The following KIR3DL2 variants were observed in gnomAD, a reference collection of about 807,000 sequenced individuals.
KIR3DL2 encodes the protein killer cell immunoglobulin-like receptor 3DL2.
Under a neutral mutation model 41.6 loss-of-function variants are expected in KIR3DL2, and 42 were observed. The ratio of observed to expected loss-of-function variants is 1.01; its 90% confidence interval spans 0.79 to 1.31. The LOEUF (loss-of-function observed/expected upper bound fraction) is 1.31, where lower values mean the gene tolerates loss of function less well. KIR3DL2 is among the 50% of genes most tolerant of loss of function. The pLI is 0.00. For missense variants in KIR3DL2, 728 were observed against 576.8 expected, an observed-to-expected ratio of 1.26 and a Z score of -2.68; for synonymous variants, 230 against 221.3, an observed-to-expected ratio of 1.04 and a Z score of -0.35.
chr19:54,859,943 C>G (rs985175204), intron 6 of KIR3DL2, among the ~76,000 whole-genome samples: 1 of 151,900 alleles, frequency 6.6e-6, no homozygotes, highest in South Asian at 2.1e-4. Context: ...ATCACTCAGA[C>G]CCTTCTTCCT....
At chr19:54,859,788 C>T (rs2065044250) in intron 6 of KIR3DL2, among the ~76,000 whole-genome samples, 1 of 152,018 alleles carries the variant, frequency 6.6e-6, no homozygotes, top group Non-Finnish European at 1.5e-5. Flanking sequence ...ATCAAGGTGA[C>T]AGCAAGGCTG....
chr19:54,857,542 AC>A (rs35521613), intron 5 of KIR3DL2, among the ~76,000 whole-genome samples: 44,342 of 144,990 alleles, frequency 0.31, 4,312 homozygotes, highest in South Asian at 0.34. Context: ...ATTTTACTTT[AC>A]TTTATTTATT....
In KIR3DL2 at chr19:54,853,844, G is replaced by A. The variant is rs2064503034; in HGVS notation, c.453G>A (p.Glu151=). Residue 151 remains glutamate (E), a synonymous_variant, in exon 4 of 9, where the codon GAG becomes GAA. Coordinates refer to ENST00000326321, the MANE Select transcript of KIR3DL2 (RefSeq NM_006737.4). Reference sequence around the variant, plus strand: ...AATGTTGGTCAGATGTCATGTTTGAGCACTTCTTTCTGCACAGAGAGGGGA... The same window carrying A: ...AATGTTGGTCAGATGTCATGTTTGAACACTTCTTTCTGCACAGAGAGGGGA... The part of the protein sequence containing the change: ...ILQCWSDVMF[E]HFFLHREGIS... 1 of 1,613,198 alleles carries A rather than the reference G, an allele frequency of 6.2e-7. No homozygotes were observed. The highest frequency in any genetic ancestry group is 1.3e-5 in the African/African-American group (1 of 74,524).
rs1262744104 is a variant in KIR3DL2 at position 54,855,802 on chromosome 19, T to C, written c.839T>C (p.Phe280Ser). 1.2e-6 allele frequency: 2 copies of C among 1,613,288 alleles called. No homozygotes were observed. The highest frequency in any genetic ancestry group is 3.3e-5 in the Admixed American group (2 of 59,982). The change falls in exon 5 of 9, where the codon TTT becomes TCT. Residue 280 changes from phenylalanine (F) to serine (S), a missense_variant. Transcript: ENST00000326321. ...PKVNRTFQAD[F>S]PLGPATHGGT... ...GTCAACAGAACATTCCAGGCAGACT[T>C]TCCTCTGGGCCCTGCCACCCACGGA...
Position 54,855,776 on chromosome 19 carries a change from G to A in KIR3DL2, c.813G>A (p.Lys271=). 6.2e-7 allele frequency: 1 copy of A among 1,613,376 alleles called. No individual in the cohort carries two copies. The highest frequency in any genetic ancestry group is 1.7e-5 in the Admixed American group (1 of 59,986). ...AACGTAGGCTCCGTGCAGTGCCCAAGGTCAACAGAACATTCCAGGCAGACT... is the reference window on the plus strand; with the variant it reads ...AACGTAGGCTCCGTGCAGTGCCCAAAGTCAACAGAACATTCCAGGCAGACT... ...AHERRLRAVP[K]VNRTFQADFP... The change falls in exon 5 of 9, where the codon AAG becomes AAA. Residue 271 remains lysine, a synonymous_variant. Transcript: ENST00000326321.
intron 6 of KIR3DL2, among the ~76,000 whole-genome samples, chr19:54,865,389 C>T (rs765875840): frequency 6.6e-6 from 1 of 151,762 alleles, no homozygotes; most frequent in Non-Finnish European, 1.5e-5. Context: ...AGGGGGAGGG[C>T]GAGCGATGGA....
At position 54,850,525 on chromosome 19, in the gene KIR3DL2, G is replaced by T. The variant is rs758967953; in HGVS notation, c.34+16G>T. ...GCGTGCGTTGGTGAGTCCTGGAAGG[G>T]AATAGAGGGAGGGAGAGTGGGGATG... is the stretch of plus-strand genomic sequence containing the variant. On this transcript the variant is annotated intron_variant, in intron 1 of 8. Transcript: ENST00000326321. 3.1e-6 allele frequency: 5 copies of T among 1,609,180 alleles called. No homozygotes were observed. Among genetic ancestry groups the T allele is most frequent in the Non-Finnish European group, 4.2e-6 (5 of 1,179,798 alleles).
Position 54,866,792 on chromosome 19 carries a change from C to G in KIR3DL2, c.*61C>G, listed in dbSNP as rs553243429. ...GATCCAATGAACCAGCAGCTGGAAT[C>G]TGAAGGCATCAGTCTGCATCTTAGG... is the stretch of plus-strand genomic sequence containing the variant. On this transcript the variant is annotated 3_prime_UTR_variant, in exon 9 of 9. Coordinates refer to ENST00000326321, the MANE Select transcript of KIR3DL2 (RefSeq NM_006737.4). The G allele has an allele frequency of 1.9e-6, 3 of 1,545,754 alleles. No homozygotes were observed. The highest frequency in any genetic ancestry group is 2.7e-6 in the Non-Finnish European group (3 of 1,120,742).
chr19:54,854,774 T>C (rs1425342858), intron 4 of KIR3DL2, among the ~76,000 whole-genome samples: 1 of 147,318 alleles, frequency 6.8e-6, no homozygotes, highest in Non-Finnish European at 1.5e-5. Flanking sequence ...GGCAGAGGAG[T>C]GGAGAGAATG....
At position 54,866,899 on chromosome 19, in the gene KIR3DL2, G is replaced by A. The variant is rs1185164542; in HGVS notation, c.*168G>A. Reference sequence around the variant, plus strand: ...CCTAAGGTCGCCACTGCCTGCTGCAGAGAAAACACACTCCTTTGCTTAGCC... The same window carrying A: ...CCTAAGGTCGCCACTGCCTGCTGCAAAGAAAACACACTCCTTTGCTTAGCC... On this transcript the variant is annotated 3_prime_UTR_variant, in exon 9 of 9. Transcript: ENST00000326321. 2.6e-6 allele frequency: 2 copies of A among 759,502 alleles called. No individual in the cohort carries two copies. Among genetic ancestry groups the A allele is most frequent in the Non-Finnish European group, 4.3e-6 (2 of 466,790 alleles). 47.0% of individuals were successfully genotyped at this position (759,502 alleles called of 1,614,324 possible).
At chr19:54,862,578 C>G (rs116642053) in intron 6 of KIR3DL2, among the ~76,000 whole-genome samples, 6,475 of 152,038 alleles carry the variant, frequency 0.043, 182 homozygotes, top group Middle Eastern at 0.092. Context: ...CATATGGAGT[C>G]ACCTCATTTG....
rs768508490 is a variant in KIR3DL2 at position 54,851,914 on chromosome 19, G to A, written c.71-84G>A. 2.9e-5 allele frequency: 44 copies of A among 1,541,928 alleles called. 1 individual carries two copies. The Middle Eastern group carries it at 7.9e-4, about 28-fold the overall frequency. On this transcript the variant is annotated intron_variant, in intron 2 of 8. Coordinates refer to ENST00000326321, the MANE Select transcript of KIR3DL2 (RefSeq NM_006737.4). ...AGGTGTGGTAGGAGCCTTAGAAAGCGGAAATGGGAGAATCTTCTGAGCACA... is the reference window on the plus strand; with the variant it reads ...AGGTGTGGTAGGAGCCTTAGAAAGCAGAAATGGGAGAATCTTCTGAGCACA...
intron 3 of KIR3DL2, 131 bp from the exon 4 acceptor site, chr19:54,853,616 A>G: frequency 9.2e-7 from 1 of 1,091,708 alleles, no homozygotes; most frequent in Non-Finnish European, 1.3e-6. Flanking sequence ...ATATGGGCAC[A>G]GAAAAGACAC....
chr19:54,866,347 T>G (rs757243077), intron 7 of KIR3DL2, 23 bp from the exon 8 acceptor site: 77 of 1,613,656 alleles, frequency 4.8e-5, no homozygotes, highest in Non-Finnish European at 6.0e-5. Context: ...CCAAGCGGTT[T>G]TGATGACTTC....
At position 54,852,106 on chromosome 19, in the gene KIR3DL2, T is replaced by C; in HGVS notation, c.179T>C (p.Leu60Pro). The stretch of plus-strand genomic sequence containing the variant: ...CGTCGTGGGTTTAACAATTTCATGC[T>C]GTACAAAGAAGACAGAAGCCACGTT... ...HYRRGFNNFM[L>P]YKEDRSHVPI... Residue 60 changes from leucine (L) to proline (P), a missense_variant, in exon 3 of 9, where the codon CTG becomes CCG. By Grantham distance (98) the Leu-to-Pro change is moderately conservative. Coordinates refer to ENST00000326321, the MANE Select transcript of KIR3DL2 (RefSeq NM_006737.4). 2.5e-6 allele frequency: 4 copies of C among 1,613,006 alleles called. No individual in the cohort carries two copies. The highest frequency in any genetic ancestry group is 4.5e-5 in the East Asian group (2 of 44,846).
At position 54,862,743 on chromosome 19, in the gene KIR3DL2, A is replaced by T. The variant is rs187940843; in HGVS notation, c.1001-3062A>T. The stretch of plus-strand genomic sequence containing the variant: ...CTGAGACGTTCCTCCTGATCTCAGG[A>T]CGTTGCTGTCTTAGTCCATTTTTGT... On this transcript the variant is annotated intron_variant, in intron 6 of 8. Transcript: ENST00000326321. Among the ~76,000 whole-genome samples the T allele has an allele frequency of 8.1e-5, 12 of 148,302 alleles. No individual in the cohort carries two copies. In the East Asian group the frequency reaches 2.4e-3, roughly 30 times the overall value.
intron 6 of KIR3DL2, among the ~76,000 whole-genome samples, chr19:54,865,069 C>G (rs35043300): frequency 3.3e-5 from 5 of 151,824 alleles, no homozygotes; most frequent in South Asian, 2.1e-4. Flanking sequence ...TAGCATGAAG[C>G]GTTGTTGAAT....
In KIR3DL2 at chr19:54,866,635, T is replaced by C; in HGVS notation, c.1272T>C (p.Asp424=). Residue 424 remains aspartate, a synonymous_variant, in exon 9 of 9, where the codon GAT becomes GAC. Coordinates refer to ENST00000326321, the MANE Select transcript of KIR3DL2 (RefSeq NM_006737.4). The part of the protein sequence containing the change: ...PSQRPKTPLT[D]TSVYTELPNA... ...AGAGGCCCAAGACACCCCTAACAGA[T>C]ACCAGCGTGTACACGGAACTTCCAA... is the stretch of plus-strand genomic sequence containing the variant. The C allele has an allele frequency of 6.2e-7, 1 of 1,613,934 alleles. No individual in the cohort carries two copies. The highest frequency in any genetic ancestry group is 1.1e-5 in the South Asian group (1 of 91,068).
In KIR3DL2 at chr19:54,851,059, T is replaced by C. The variant is rs564630393; in HGVS notation, c.35-161T>C. On this transcript the variant is annotated intron_variant, in intron 1 of 8. Coordinates refer to ENST00000326321, the MANE Select transcript of KIR3DL2 (RefSeq NM_006737.4). ...GATCTGGGCCTGGAGCCTGGGTCTC[T>C]CCACAGCTGAGAGCCCTGTTCTTGG... 1.0e-3 allele frequency among the ~76,000 whole-genome samples: 150 copies of C among 145,496 alleles called. 4 individuals carry two copies. The highest frequency in any genetic ancestry group is 3.5e-3 in the African/African-American group (137 of 39,036).
Sources: gnomAD v4.1 joint callset for allele counts (sites outside exome capture counted in the v4.1 genomes callset) on GRCh38, gnomAD v4.1.1 for gene constraint, MANE v1.5 for transcripts, NCBI Gene and HGNC (gene_info 2026-07-23, HGNC 2026-07-21) for gene names.